The following FBXO25 variants were observed in gnomAD, a reference collection of about 807,000 sequenced individuals.
FBXO25 encodes the protein F-box protein 25, also known as F-box only protein 25.
A neutral mutation model predicts 51.9 loss-of-function variants in FBXO25; 45 were observed. That is an observed-to-expected ratio of 0.87 (90% confidence interval 0.68 to 1.11). The LOEUF (loss-of-function observed/expected upper bound fraction) is 1.11, where lower values mean the gene tolerates loss of function less well. FBXO25 is among the 50% of genes most tolerant of loss of function. The probability of loss-of-function intolerance (pLI) is 0.00; values close to 1 mark genes in which losing one functional copy is unlikely to be tolerated. For synonymous variants in FBXO25, 199 were observed against 151.0 expected (o/e 1.32, Z -2.33); for missense variants, 507 against 428.5 (o/e 1.18, Z -1.62).
chr8:463,338 A>C (rs1799941444), intron 9 of FBXO25, among the ~76,000 whole-genome samples, 188 bp downstream of exon 9: 2 of 152,270 alleles, frequency 1.3e-5, no homozygotes, highest in Admixed American at 6.5e-5. Context: ...CTTAAACCAG[A>C]AACGCTGAAA....
chr8:438,271 C>T (rs1000631801), intron 5 of FBXO25, among the ~76,000 whole-genome samples: 1 of 152,118 alleles, frequency 6.6e-6, no homozygotes. Flanking sequence ...TTTGGCCAGG[C>T]TCGTCTTGAA....
chr8:422,100 G>C (rs964345848), intron 2 of FBXO25, among the ~76,000 whole-genome samples: 2 of 152,194 alleles, frequency 1.3e-5, no homozygotes, highest in Admixed American at 1.3e-4. Context: ...GATGCAGCAA[G>C]GTGAAATCTA....
intron 2 of FBXO25, among the ~76,000 whole-genome samples, chr8:430,514 C>T (rs974545286): frequency 2.6e-5 from 4 of 151,900 alleles, no homozygotes; most frequent in Admixed American, 1.3e-4. Context: ...TGTCAAAGAA[C>T]GATGACCGGC....
Position 474,375 on chromosome 8 carries a change from A to G in FBXO25, c.*5571A>G, listed in dbSNP as rs1040440106. On this transcript the variant is annotated 3_prime_UTR_variant, in exon 10 of 10. Coordinates refer to ENST00000350302, the MANE Select transcript of FBXO25 (RefSeq NM_183420.2). ...CTTGAGTTGCTTCCACCTTTTAGCTATTGTGAATATTGCTGCCGTAAACAT... is the reference window on the plus strand; with the variant it reads ...CTTGAGTTGCTTCCACCTTTTAGCTGTTGTGAATATTGCTGCCGTAAACAT... 7.6e-6 allele frequency: 2 copies of G among 263,294 alleles called. No homozygotes were observed. Among genetic ancestry groups the G allele is most frequent in the African/African-American group, 4.6e-5 (2 of 43,080 alleles). The allele number at this position is 263,294 out of a possible 1,614,324, so 16.3% of individuals were successfully genotyped here.
At chr8:443,820 C>G (rs1175243726) in intron 5 of FBXO25, among the ~76,000 whole-genome samples, 2 of 151,964 alleles carry the variant, frequency 1.3e-5, no homozygotes, top group Non-Finnish European at 2.9e-5. Flanking sequence ...GATTACATCC[C>G]TTTTTTGTAA....
At chr8:420,021 G>C (rs1797054118) in intron 2 of FBXO25, among the ~76,000 whole-genome samples, 1 of 152,090 alleles carries the variant, frequency 6.6e-6, no homozygotes, top group Non-Finnish European at 1.5e-5. Context: ...AATAAGCAGA[G>C]AAAAATAAGC....
chr8:449,226 A>G (rs59168562), intron 5 of FBXO25, among the ~76,000 whole-genome samples: 14,287 of 152,300 alleles, frequency 0.094, 988 homozygotes, highest in East Asian at 0.36. Flanking sequence ...ATAAAGTGGG[A>G]CAAAAAGCAT....
chr8:418,762 A>G (rs1403589954), intron 2 of FBXO25, among the ~76,000 whole-genome samples: 2 of 152,238 alleles, frequency 1.3e-5, no homozygotes, highest in African/African-American at 2.4e-5. Flanking sequence ...CAGTGCAACA[A>G]CAGGAGAAAT....
chr8:452,528 C>G (rs113335288), intron 7 of FBXO25, among the ~76,000 whole-genome samples: 1 of 152,194 alleles, frequency 6.6e-6, no homozygotes, highest in Non-Finnish European at 1.5e-5. Flanking sequence ...GGCCAAAGTC[C>G]CCTTTCTCCT....
At chr8:442,659 G>C (rs1375114086) in intron 5 of FBXO25, among the ~76,000 whole-genome samples, 1 of 151,920 alleles carries the variant, frequency 6.6e-6, no homozygotes, top group Non-Finnish European at 1.5e-5. Flanking sequence ...TAGTAGAGAG[G>C]GGGTTTTGCC....
At chr8:413,978 T>A (rs1370732132) in intron 2 of FBXO25, among the ~76,000 whole-genome samples, 2 of 152,298 alleles carry the variant, frequency 1.3e-5, no homozygotes, top group Admixed American at 6.5e-5. Flanking sequence ...AGGAAGGTCT[T>A]GAGATAGCCT....
rs1347758932 is a variant in FBXO25 at position 477,406 on chromosome 8, G to GGAAACAA, written c.*8602_*8603insGAAACAA. 1 of 152,178 alleles carries GGAAACAA rather than the reference G, an allele frequency of 6.6e-6. No individual in the cohort carries two copies. The highest frequency in any genetic ancestry group is 1.5e-5 in the Non-Finnish European group (1 of 68,048). 9.4% of individuals were successfully genotyped at this position (152,178 alleles called of 1,614,324 possible). On this transcript the variant is annotated 3_prime_UTR_variant, in exon 10 of 10. Transcript: ENST00000350302. ...ACTATCCATTTCTTCCTTTGATTCT[G>GGAAACAA]TCAATGTTTGTTTCATATATTTTGG...
intron 1 of FBXO25, among the ~76,000 whole-genome samples, chr8:408,326 A>T (rs1796287346): frequency 1.8e-5 from 1 of 54,296 alleles, no homozygotes; most frequent in South Asian, 4.9e-4. Flanking sequence ...AATAGACGGT[A>T]AAAAAAAAAA....
chr8:432,513 A>G (rs1797876234), intron 3 of FBXO25, among the ~76,000 whole-genome samples: 1 of 152,234 alleles, frequency 6.6e-6, no homozygotes, highest in African/African-American at 2.4e-5. Context: ...TTTAAGATTT[A>G]TCTGAAAAAT....
chr8:462,874 A>T, intron 8 of FBXO25, 133 bp from the exon 9 acceptor site: 1 of 1,061,046 alleles, frequency 9.4e-7, no homozygotes, highest in Admixed American at 3.0e-5. Flanking sequence ...ACCAAAACCC[A>T]CTTGTAACCC....
intron 8 of FBXO25, among the ~76,000 whole-genome samples, 188 bp from the exon 9 acceptor site, chr8:462,819 A>T (rs1799899618): frequency 6.6e-6 from 1 of 152,182 alleles, no homozygotes; most frequent in Non-Finnish European, 1.5e-5. Context: ...CAGTGATGGG[A>T]GCACAAAAAT....
In FBXO25 at chr8:469,777, T is replaced by C. The variant is rs1166349128; in HGVS notation, c.*973T>C. 1 of 152,214 alleles carries C rather than the reference T, an allele frequency of 6.6e-6. No homozygotes were observed. Among genetic ancestry groups the C allele is most frequent in the Non-Finnish European group, 1.5e-5 (1 of 68,046 alleles). The allele number at this position is 152,214 out of a possible 1,614,324, so 9.4% of individuals were successfully genotyped here. A position where few individuals can be genotyped will look rare whatever the true frequency, so the allele number is the denominator to read the frequency against. Reference sequence around the variant, plus strand: ...GGCATAGGATAGAAACGTATTGTTGTATATTTCCATTTTTGAATAGGGTCA... The same window carrying C: ...GGCATAGGATAGAAACGTATTGTTGCATATTTCCATTTTTGAATAGGGTCA... On this transcript the variant is annotated 3_prime_UTR_variant, in exon 10 of 10. Transcript: ENST00000350302.
chr8:429,035 C>A (rs1233459697), intron 2 of FBXO25, among the ~76,000 whole-genome samples: 1 of 152,156 alleles, frequency 6.6e-6, no homozygotes, highest in Non-Finnish European at 1.5e-5. Flanking sequence ...TCTCTGCTTT[C>A]AGTTCTTTTG....
At chr8:444,589 A>G (rs1347633573) in intron 5 of FBXO25, among the ~76,000 whole-genome samples, 1 of 152,138 alleles carries the variant, frequency 6.6e-6, no homozygotes, top group African/African-American at 2.4e-5. Flanking sequence ...TATTTGAAGG[A>G]TGTACTTTCT....
Sources: allele counts gnomAD v4.1 joint callset (sites outside exome capture counted in the v4.1 genomes callset), GRCh38; gene constraint gnomAD v4.1.1; transcripts MANE v1.5; gene names NCBI Gene and HGNC (gene_info 2026-07-23, HGNC 2026-07-21).